Variants in TSNARE1 observed in about 807,000 individuals in gnomAD.
TSNARE1 encodes t-SNARE domain containing 1.
Under a neutral mutation model 62.0 loss-of-function variants are expected in TSNARE1, and 49 were observed. The ratio of observed to expected loss-of-function variants is 0.79; its 90% CI spans 0.63 to 1.00. The LOEUF (loss-of-function observed/expected upper bound fraction) is 1.00, where lower values mean the gene tolerates loss of function less well. Among genes scored for constraint, TSNARE1 ranks in the 50% least tolerant of loss-of-function variants. The pLI is 0.00. For missense variants in TSNARE1, 755 were observed against 700.1 expected (o/e 1.08, Z -0.88); for synonymous variants, 328 against 294.4 (o/e 1.11, Z -1.17).
At chr8:142,340,220 G>C (rs6984958) in intron 4 of TSNARE1, among the ~76,000 whole-genome samples, 25,348 of 152,228 alleles carry the variant, frequency 0.17, 3,022 homozygotes, top group African/African-American at 0.33. Flanking sequence ...CATAAGAGAA[G>C]TGAGGCTTGC....
intron 12 of TSNARE1, among the ~76,000 whole-genome samples, chr8:142,235,982 G>T (rs932970463): frequency 6.6e-6 from 1 of 152,154 alleles, no homozygotes; most frequent in African/African-American, 2.4e-5. Flanking sequence ...AAGTCCCCCA[G>T]GGGAGACGGG....
chr8:142,290,479 G>A (rs998797376), intron 10 of TSNARE1, among the ~76,000 whole-genome samples: 1 of 152,228 alleles, frequency 6.6e-6, no homozygotes. Context: ...CCCCTTGCAC[G>A]AGACATAATA....
chr8:142,275,429 T>G (rs1820306075), intron 11 of TSNARE1: 1 of 985,080 alleles, frequency 1.0e-6, no homozygotes, highest in Non-Finnish European at 1.2e-6. Context: ...CCGGGCTCGG[T>G]GGCTGCAGCA....
chr8:142,292,837 G>A (rs143150877), intron 10 of TSNARE1, among the ~76,000 whole-genome samples: 2 of 152,148 alleles, frequency 1.3e-5, no homozygotes, highest in East Asian at 1.9e-4. Context: ...CCAGACCAAC[G>A]CGGGCAGAAC....
intron 12 of TSNARE1, among the ~76,000 whole-genome samples, chr8:142,252,860 C>T (rs997223942): frequency 3.3e-5 from 5 of 152,208 alleles, no homozygotes; most frequent in Non-Finnish European, 7.3e-5. Context: ...ATTTCCTCTG[C>T]ACAATGGGAC....
chr8:142,326,638 G>A (rs552220414), intron 6 of TSNARE1, among the ~76,000 whole-genome samples: 8 of 149,956 alleles, frequency 5.3e-5, no homozygotes, highest in African/African-American at 2.0e-4. Flanking sequence ...GCATGAGACG[G>A]ATGAGGAACC....
chr8:142,385,344 T>C (rs995917030), intron 1 of TSNARE1, among the ~76,000 whole-genome samples: 15 of 152,284 alleles, frequency 9.9e-5, no homozygotes, highest in African/African-American at 2.4e-4. Context: ...CCACCCACCA[T>C]TCTGAAAAAA....
chr8:142,332,007 C>T (rs1043057577), intron 4 of TSNARE1, among the ~76,000 whole-genome samples, 176 bp from the exon 5 acceptor site: 12 of 152,202 alleles, frequency 7.9e-5, no homozygotes, highest in African/African-American at 2.4e-4. Context: ...GCTGGACACC[C>T]GCACCTGCCT....
chr8:142,329,995 G>A (rs755506822), intron 6 of TSNARE1, among the ~76,000 whole-genome samples: 4 of 152,250 alleles, frequency 2.6e-5, no homozygotes, highest in African/African-American at 4.8e-5. Flanking sequence ...TGTGGGAGCC[G>A]TGGCCCTCCC....
intron 12 of TSNARE1, among the ~76,000 whole-genome samples, chr8:142,266,585 T>C (rs943194010): frequency 6.6e-6 from 1 of 152,228 alleles, no homozygotes; most frequent in Non-Finnish European, 1.5e-5. Context: ...TAATGTGAAA[T>C]GTCGGCAAAT....
intron 9 of TSNARE1, among the ~76,000 whole-genome samples, chr8:142,301,802 C>G (rs984783382): frequency 3.9e-5 from 6 of 152,028 alleles, no homozygotes; most frequent in Non-Finnish European, 8.8e-5. Context: ...TTCCTGAAAA[C>G]CCTGCAGGGA....
At chr8:142,308,241 C>T (rs760789638) in intron 9 of TSNARE1, among the ~76,000 whole-genome samples, 4 of 152,144 alleles carry the variant, frequency 2.6e-5, no homozygotes, top group Non-Finnish European at 5.9e-5. Flanking sequence ...TTCTCCTTTG[C>T]GGTTGGCACT....
chr8:142,238,879 C>T (rs569733016), intron 12 of TSNARE1, among the ~76,000 whole-genome samples: 1 of 151,918 alleles, frequency 6.6e-6, no homozygotes, highest in Non-Finnish European at 1.5e-5. Context: ...CCAACCTCAG[C>T]TCAGGTGGCA....
At chr8:142,398,909 C>A (rs1440762894) in intron 1 of TSNARE1, among the ~76,000 whole-genome samples, 1 of 152,160 alleles carries the variant, frequency 6.6e-6, no homozygotes, top group Non-Finnish European at 1.5e-5. Context: ...ATTTGAAGCC[C>A]ACACGGAGCC....
intron 7 of TSNARE1, among the ~76,000 whole-genome samples, chr8:142,317,307 C>A (rs1377120104): frequency 7.8e-6 from 1 of 128,678 alleles, no homozygotes; most frequent in Non-Finnish European, 1.7e-5. Context: ...GTATGGCCAG[C>A]GGCTCACACT....
At chr8:142,359,534 C>T (rs1464921044) in intron 1 of TSNARE1, among the ~76,000 whole-genome samples, 2 of 152,196 alleles carry the variant, frequency 1.3e-5, no homozygotes, top group Non-Finnish European at 2.9e-5. Flanking sequence ...TCCTTAGACA[C>T]GGCACCGCTC....
chr8:142,333,314 A>G (rs1831318146), intron 4 of TSNARE1, among the ~76,000 whole-genome samples: 2 of 152,226 alleles, frequency 1.3e-5, no homozygotes, highest in Non-Finnish European at 2.9e-5. Context: ...TGGAGGCACT[A>G]AAGGTCGATT....
rs1384842074 is a variant in TSNARE1, at chr8:142,279,820, T to G, written c.1363+4593A>C. On this transcript the variant is annotated intron_variant, in intron 11 of 13. Transcript: ENST00000524325. ...GCCGGCCCTGCTTGCCCCAGGGCAG[T>G]GTGGTCCGGGGGGGCGGGCTGTGGG... 4.1e-6 allele frequency: 4 copies of G among 978,562 alleles called. No individual in the cohort carries two copies. In the African/African-American group the frequency reaches 7.1e-5, roughly 17 times the overall value. The allele number at this position is 978,562 out of a possible 1,614,324, so 60.6% of individuals were successfully genotyped here.
chr8:142,288,814 A>G (rs35916511), intron 10 of TSNARE1, among the ~76,000 whole-genome samples: 18,756 of 152,272 alleles, frequency 0.12, 1,469 homozygotes, highest in East Asian at 0.19. Context: ...GTTAATTTGC[A>G]CCACAGCCAG....
Sources: allele counts gnomAD v4.1 joint callset (sites outside exome capture counted in the v4.1 genomes callset), GRCh38; gene constraint gnomAD v4.1.1; transcripts MANE v1.5; gene names NCBI Gene and HGNC (gene_info 2026-07-23, HGNC 2026-07-21).